Variants in WSCD2 observed in about 807,000 individuals in gnomAD.
WSCD2 encodes the protein WSC domain sialate O sulfotransferase 2.
In WSCD2, 28 loss-of-function variants were observed where a neutral mutation model predicts 55.7. That is an observed-to-expected ratio of 0.50 (90% CI 0.37 to 0.69). The LOEUF is 0.69. Among genes scored for constraint, WSCD2 ranks in the 30% least tolerant of loss-of-function variants. WSCD2 has a pLI of 0.00. For synonymous variants in WSCD2, 301 were observed against 301.9 expected, an observed-to-expected ratio of 1.00 and a Z score of 0.03; for missense variants, 616 against 762.1, an observed-to-expected ratio of 0.81 and a Z score of 2.26.
intron 1 of WSCD2, among the ~76,000 whole-genome samples, chr12:108,181,839 G>A (rs951468416): frequency 6.6e-6 from 1 of 152,316 alleles, no homozygotes; most frequent in Non-Finnish European, 1.5e-5. Context: ...AATAACTGTG[G>A]TTGTGCTGAG....
chr12:108,193,624 G>A (rs1883494501), intron 1 of WSCD2, among the ~76,000 whole-genome samples: 2 of 152,138 alleles, frequency 1.3e-5, no homozygotes, highest in Admixed American at 6.5e-5. Flanking sequence ...TGGATAGATG[G>A]ATGGATGGAC....
At chr12:108,170,346 T>C (rs1223244816) in intron 1 of WSCD2, among the ~76,000 whole-genome samples, 1 of 152,078 alleles carries the variant, frequency 6.6e-6, no homozygotes, top group Non-Finnish European at 1.5e-5. Flanking sequence ...ACATCAATGA[T>C]GGTGATGACA....
At chr12:108,139,886 T>C (rs1277563619) in intron 1 of WSCD2, among the ~76,000 whole-genome samples, 6 of 152,030 alleles carry the variant, frequency 3.9e-5, no homozygotes, top group Non-Finnish European at 2.9e-5. Context: ...AGCTCAGCAG[T>C]GAAAAGCTGA....
intron 8 of WSCD2, among the ~76,000 whole-genome samples, chr12:108,247,131 G>A (rs1890149535): frequency 6.6e-6 from 1 of 152,100 alleles, no homozygotes; most frequent in Non-Finnish European, 1.5e-5. Flanking sequence ...GACTGCTTAG[G>A]TTCAAATCCT....
intron 1 of WSCD2, among the ~76,000 whole-genome samples, chr12:108,193,551 T>A (rs960631131): frequency 6.6e-6 from 1 of 152,122 alleles, no homozygotes; most frequent in Non-Finnish European, 1.5e-5. Context: ...GGTAGGTGGA[T>A]GGATGGTTCA....
chr12:108,195,563 T>G lies in WSCD2; in HGVS notation c.-270T>G. 1.4e-5 allele frequency: 7 copies of G among 493,372 alleles called. No individual in the cohort carries two copies. The South Asian group carries it at 2.3e-4, about 16-fold the overall frequency. 30.6% of individuals were successfully genotyped at this position (493,372 alleles called of 1,614,324 possible). A position where few individuals can be genotyped will look rare whatever the true frequency, so the allele number is the denominator to read the frequency against. On this transcript the variant is annotated 5_prime_UTR_variant, in exon 2 of 9. Transcript: ENST00000547525. ...TGTAGGAAAATGGGACCAACTTATG[T>G]GTGTTCTGAGCCTCAAAACCCCCTT... is the stretch of plus-strand genomic sequence containing the variant.
At chr12:108,201,059 C>T (rs1447667142) in intron 2 of WSCD2, among the ~76,000 whole-genome samples, 1 of 152,226 alleles carries the variant, frequency 6.6e-6, no homozygotes, top group African/African-American at 2.4e-5. Flanking sequence ...TTAGGTCACC[C>T]TTAACAATAT....
rs1875230643 is a variant in WSCD2 at position 108,129,292 on chromosome 12, C to T, written c.-1186C>T. On this transcript the variant is annotated 5_prime_UTR_variant, in exon 1 of 9. Coordinates refer to ENST00000547525, the MANE Select transcript of WSCD2 (RefSeq NM_014653.4). Reference sequence around the variant, plus strand: ...GTGCGAGGAGCGCGCCGGGCTGAGGCGCGCTGCTGGTGGCGGCGGCGGCAG... The same window carrying T: ...GTGCGAGGAGCGCGCCGGGCTGAGGTGCGCTGCTGGTGGCGGCGGCGGCAG... 6.6e-6 allele frequency among the ~76,000 whole-genome samples: 1 copy of T among 152,132 alleles called. No individual in the cohort carries two copies. The highest frequency in any genetic ancestry group is 1.5e-5 in the Non-Finnish European group (1 of 68,014).
intron 1 of WSCD2, among the ~76,000 whole-genome samples, chr12:108,184,363 G>T (rs1882184973): frequency 6.6e-6 from 1 of 152,206 alleles, no homozygotes. Context: ...TTGGGCTTGG[G>T]TGATTTGGGG....
chr12:108,204,345 A>C, intron 2 of WSCD2, among the ~76,000 whole-genome samples: 1 of 149,244 alleles, frequency 6.7e-6, no homozygotes, highest in Non-Finnish European at 1.5e-5. Context: ...CTCCCACCCT[A>C]CTCCATCATC....
intron 2 of WSCD2, among the ~76,000 whole-genome samples, chr12:108,198,374 TCTTTGCTAA>T (rs1252195291): frequency 6.6e-6 from 1 of 152,212 alleles, no homozygotes; most frequent in East Asian, 1.9e-4. Flanking sequence ...CCAAGTCTCA[TCTTTGCTAA>T]TCTTCAAGAA....
At chr12:108,247,885 G>A (rs1427544767) in intron 8 of WSCD2, 106 bp from the exon 9 acceptor site, 1 of 1,227,578 alleles carries the variant, frequency 8.1e-7, no homozygotes, top group Non-Finnish European at 1.1e-6. Flanking sequence ...TGTTAATTGT[G>A]TTACCGTGTT....
At chr12:108,164,567 A>G (rs11113768) in intron 1 of WSCD2, among the ~76,000 whole-genome samples, 4,755 of 152,228 alleles carry the variant, frequency 0.031, 101 homozygotes, top group Non-Finnish European at 0.049. Flanking sequence ...ACCCTAATGA[A>G]CAGAGGTGCT....
At chr12:108,193,165 A>G (rs1026247557) in intron 1 of WSCD2, among the ~76,000 whole-genome samples, 1 of 152,242 alleles carries the variant, frequency 6.6e-6, no homozygotes, top group Non-Finnish European at 1.5e-5. Flanking sequence ...AAATGTTTAA[A>G]TGAGAGTATG....
chr12:108,193,979 T>C (rs895899929), intron 1 of WSCD2, among the ~76,000 whole-genome samples: 1 of 152,218 alleles, frequency 6.6e-6, no homozygotes, highest in South Asian at 2.1e-4. Context: ...ATTTGTATCT[T>C]CCATTGGCTG....
intron 1 of WSCD2, among the ~76,000 whole-genome samples, chr12:108,148,412 T>C (rs1170825546): frequency 6.6e-6 from 1 of 152,144 alleles, no homozygotes; most frequent in Non-Finnish European, 1.5e-5. Flanking sequence ...GTTGAATGAA[T>C]AAGTGAGTGT....
intron 6 of WSCD2, among the ~76,000 whole-genome samples, chr12:108,230,386 G>A (rs1888617615): frequency 6.6e-6 from 1 of 152,144 alleles, no homozygotes; most frequent in Non-Finnish European, 1.5e-5. Context: ...CCAGCTAGCA[G>A]GAACAATACC....
rs76448145 is a variant in WSCD2, at chr12:108,234,539, C to T, written c.1144+1644C>T. Among the ~76,000 whole-genome samples the T allele has an allele frequency of 0.014, 2,079 of 152,318 alleles. 89 individuals are homozygous for T. The East Asian group carries it at 0.15, about 11-fold the overall frequency. ...TAAGCACCTATTACTTATGAGGCTC[C>T]ATGCTGAGGGTATTACATGCTTATA... is the stretch of plus-strand genomic sequence containing the variant. On this transcript the variant is annotated intron_variant, in intron 7 of 8. Coordinates refer to ENST00000547525, the MANE Select transcript of WSCD2 (RefSeq NM_014653.4).
intron 1 of WSCD2, among the ~76,000 whole-genome samples, chr12:108,134,799 T>C (rs1876001554): frequency 6.6e-6 from 1 of 152,164 alleles, no homozygotes; most frequent in East Asian, 1.9e-4. Flanking sequence ...ACAAAGTGTT[T>C]ACCAGGTGCA....
Sources: gnomAD v4.1 joint callset for allele counts (sites outside exome capture counted in the v4.1 genomes callset) on GRCh38, gnomAD v4.1.1 for gene constraint, MANE v1.5 for transcripts, NCBI Gene and HGNC (gene_info 2026-07-23, HGNC 2026-07-21) for gene names.